Variants in LHPP observed in about 807,000 individuals in gnomAD.
The protein encoded by LHPP is hLHPP.
LHPP carries 24 observed loss-of-function variants against 30.3 expected under a neutral mutation model. The ratio of observed to expected loss-of-function variants is 0.79; its 90% CI spans 0.57 to 1.11. The LOEUF is 1.11. Ranked by LOEUF, LHPP falls within the 50% of genes most tolerant of loss-of-function variation. The probability of loss-of-function intolerance (pLI) is 0.00; values close to 1 mark genes in which losing one functional copy is unlikely to be tolerated. For synonymous variants in LHPP, 150 were observed against 157.1 expected (o/e 0.95, Z 0.34); for missense variants, 356 against 367.2 (o/e 0.97, Z 0.25).
chr10:124,474,725 G>T (rs964206346), intron 1 of LHPP, among the ~76,000 whole-genome samples: 2 of 152,000 alleles, frequency 1.3e-5, no homozygotes, highest in Admixed American at 6.6e-5. Context: ...AAGAGGATTC[G>T]ATGTGAACAT....
intron 6 of LHPP, among the ~76,000 whole-genome samples, chr10:124,522,480 C>T (rs1389289439): frequency 6.6e-6 from 1 of 152,196 alleles, no homozygotes; most frequent in Non-Finnish European, 1.5e-5. Context: ...GCTGCCCTGC[C>T]GTGAGAGGCT....
chr10:124,562,394 T>C (rs1948410142), intron 6 of LHPP, among the ~76,000 whole-genome samples: 1 of 151,916 alleles, frequency 6.6e-6, no homozygotes, highest in African/African-American at 2.4e-5. Context: ...GTAGCCAAAA[T>C]AGAAAACTCC....
chr10:124,578,926 G>T (rs1293368161), intron 6 of LHPP, among the ~76,000 whole-genome samples: 1 of 151,198 alleles, frequency 6.6e-6, no homozygotes, highest in Non-Finnish European at 1.5e-5. Context: ...CCTCCCTGGA[G>T]GGCCAGAAGG....
intron 6 of LHPP, among the ~76,000 whole-genome samples, chr10:124,607,902 G>C (rs939138045): frequency 1.3e-5 from 2 of 152,198 alleles, no homozygotes; most frequent in Non-Finnish European, 1.5e-5. Flanking sequence ...ACACGTGGCG[G>C]CTGCGAGCAG....
At chr10:124,484,973 A>G (rs4611164) in intron 2 of LHPP, among the ~76,000 whole-genome samples, 16,349 of 152,190 alleles carry the variant, frequency 0.11, 1,030 homozygotes, top group Non-Finnish European at 0.13. Context: ...AGACATTAGC[A>G]ATTCCAGACA....
chr10:124,575,273 G>A (rs1474251062), intron 6 of LHPP, among the ~76,000 whole-genome samples: 1 of 152,090 alleles, frequency 6.6e-6, no homozygotes, highest in Non-Finnish European at 1.5e-5. Flanking sequence ...CTTACCTCCT[G>A]CAGGTGCCCT....
At chr10:124,556,580 A>C (rs926452506) in intron 6 of LHPP, among the ~76,000 whole-genome samples, 31 of 152,212 alleles carry the variant, frequency 2.0e-4, no homozygotes, top group Non-Finnish European at 4.0e-4. Flanking sequence ...GCAAAATTCT[A>C]AGGTGTTTGG....
chr10:124,472,944 T>A (rs1564769875), intron 1 of LHPP, among the ~76,000 whole-genome samples: 1 of 152,158 alleles, frequency 6.6e-6, no homozygotes, highest in Non-Finnish European at 1.5e-5. Context: ...ATCACAAACT[T>A]GAACTGTATG....
At chr10:124,489,516 G>A (rs577223975) in intron 3 of LHPP, among the ~76,000 whole-genome samples, 2 of 152,244 alleles carry the variant, frequency 1.3e-5, no homozygotes, top group Admixed American at 6.5e-5. Flanking sequence ...GTGCAGCGGC[G>A]TGATCTCGGC....
rs892980490 is a variant in LHPP at position 124,496,998 on chromosome 10, G to A, written c.505G>A (p.Val169Ile). The A allele has an allele frequency of 1.6e-5, 26 of 1,613,984 alleles. No individual in the cohort carries two copies. Among genetic ancestry groups the A allele is most frequent in the African/African-American group, 2.7e-5 (2 of 74,930 alleles). Residue 169 changes from valine (V) to isoleucine (I), a missense_variant, in exon 4 of 7, where the codon GTT becomes ATT. Transcript: ENST00000368842. This position sits in a 1 kb window ranked among gnomAD's most constrained non-coding sequence, Gnocchi z 4.3. ...YKETSGLMLDVGPYMKALEYA... is the reference protein window; with the variant it reads ...YKETSGLMLDIGPYMKALEYA... ...GGAGACCTCTGGCCTGATGCTGGAC[G>A]TTGGTCCCTACATGAAGGCGCTTGA...
intron 6 of LHPP, among the ~76,000 whole-genome samples, chr10:124,530,481 G>A (rs950674200): frequency 9.9e-5 from 15 of 151,968 alleles, no homozygotes; most frequent in African/African-American, 3.6e-4. Flanking sequence ...TCAGGCCCAG[G>A]CCACACATCC....
intron 5 of LHPP, among the ~76,000 whole-genome samples, chr10:124,506,265 C>CCCCG (rs1554883772): frequency 6.7e-5 from 7 of 104,098 alleles, no homozygotes. Context: ...AACAACAAAC[C>CCCCG]CCCCCCCCAC....
chr10:124,586,771 C>CAA (rs61404492), intron 6 of LHPP, among the ~76,000 whole-genome samples: 2 of 151,922 alleles, frequency 1.3e-5, no homozygotes, highest in South Asian at 2.1e-4. Flanking sequence ...TTTAATTACG[C>CAA]AAAAAAATTA....
intron 6 of LHPP, among the ~76,000 whole-genome samples, chr10:124,528,916 G>C (rs564318755): frequency 6.6e-6 from 1 of 152,164 alleles, no homozygotes; most frequent in East Asian, 1.9e-4. Context: ...TCTCTGCTCT[G>C]TTGGTCCCCT....
intron 6 of LHPP, among the ~76,000 whole-genome samples, chr10:124,533,087 C>T (rs1430825747): frequency 6.6e-6 from 1 of 152,178 alleles, no homozygotes; most frequent in Non-Finnish European, 1.5e-5. Context: ...TACATGGCTG[C>T]AGGAGGTAGT....
rs1316252469 is a variant in LHPP, at chr10:124,541,370, A to G, written c.716+24099A>G. Among the ~76,000 whole-genome samples the G allele has an allele frequency of 6.6e-6, 1 of 152,184 alleles. No homozygotes were observed. Among genetic ancestry groups the G allele is most frequent in the Admixed American group, 6.6e-5 (1 of 15,264 alleles). ...GCGTTCATTGTGGAAAGAGCCCAGG[A>G]AGGAGCTCTCTGCCTTGCAAGAACA... On this transcript the variant is annotated intron_variant, in intron 6 of 6. Transcript: ENST00000368842. This position sits in a 1 kb window ranked among gnomAD's most constrained non-coding sequence, Gnocchi z 4.2.
chr10:124,485,565 C>T (rs1028398979), intron 2 of LHPP, among the ~76,000 whole-genome samples: 2 of 151,648 alleles, frequency 1.3e-5, no homozygotes, highest in Non-Finnish European at 2.9e-5. Flanking sequence ...TTTCAAGCAT[C>T]CAACAAAGTT....
intron 3 of LHPP, among the ~76,000 whole-genome samples, chr10:124,492,659 TCTG>T (rs1953569175): frequency 6.6e-6 from 1 of 152,230 alleles, no homozygotes; most frequent in East Asian, 1.9e-4. Flanking sequence ...TGACCACATA[TCTG>T]GGCACCGTGG....
intron 6 of LHPP, among the ~76,000 whole-genome samples, chr10:124,519,572 C>CT (rs770330439): frequency 3.3e-5 from 5 of 152,122 alleles, no homozygotes; most frequent in African/African-American, 7.2e-5. Flanking sequence ...AGTGTGTAGT[C>CT]TTTTATTTCT....
Sources: allele counts gnomAD v4.1 joint callset (sites outside exome capture counted in the v4.1 genomes callset), GRCh38; gene constraint gnomAD v4.1.1; non-coding constraint Gnocchi (gnomAD v3.1); transcripts MANE v1.5; gene names NCBI Gene and HGNC (gene_info 2026-07-23, HGNC 2026-07-21).